PRKN: variants seen among roughly 807,000 people sequenced by gnomAD.
PRKN encodes the protein E3 ubiquitin-protein ligase parkin.
PRKN carries 56 observed loss-of-function variants against 59.5 expected under a neutral mutation model. That is an observed-to-expected ratio of 0.94 (90% CI 0.76 to 1.18). PRKN has a LOEUF of 1.18. Ranked by LOEUF, PRKN falls within the 50% of genes most tolerant of loss-of-function variation. The probability of loss-of-function intolerance (pLI) is 0.00; values close to 1 mark genes in which losing one functional copy is unlikely to be tolerated. For synonymous variants in PRKN, 250 were observed against 222.1 expected (o/e 1.13, Z -1.12); for missense variants, 657 against 596.4 (o/e 1.10, Z -1.06).
At chr6:162,040,251 C>T (rs1439206552) in intron 5 of PRKN, among the ~76,000 whole-genome samples, 3 of 152,100 alleles carry the variant, frequency 2.0e-5, no homozygotes, top group African/African-American at 7.2e-5. Flanking sequence ...TGTTTGGGGG[C>T]TGCTAGTGTA....
chr6:161,476,515 T>A (rs1791090165), intron 9 of PRKN, among the ~76,000 whole-genome samples: 1 of 152,180 alleles, frequency 6.6e-6, no homozygotes, highest in African/African-American at 2.4e-5. Context: ...AATCTAAATA[T>A]TTATGCGTCT....
At chr6:161,524,346 TA>T (rs1219650565) in intron 9 of PRKN, among the ~76,000 whole-genome samples, 1 of 152,168 alleles carries the variant, frequency 6.6e-6, no homozygotes, top group Non-Finnish European at 1.5e-5. Flanking sequence ...AATTATATTT[TA>T]TTTTTTTATT....
At chr6:162,135,556 A>C (rs980713039) in intron 4 of PRKN, among the ~76,000 whole-genome samples, 3 of 152,156 alleles carry the variant, frequency 2.0e-5, no homozygotes, top group Non-Finnish European at 2.9e-5. Flanking sequence ...CTGAGGCTCA[A>C]AATTTTAAAT....
chr6:161,530,271 T>C lies in PRKN; in HGVS notation c.1083+18583A>G, dbSNP rs927885937. Reference sequence around the variant, plus strand: ...TGTAAATTTAGACATTTTTTGAAGATTCACGTGTTTGGTTCAATATAAAAG... The same window carrying C: ...TGTAAATTTAGACATTTTTTGAAGACTCACGTGTTTGGTTCAATATAAAAG... On this transcript the variant is annotated intron_variant, in intron 9 of 11. Transcript: ENST00000366898. This position sits in a 1 kb window ranked among gnomAD's most constrained non-coding sequence, Gnocchi z 5.0. Among the ~76,000 whole-genome samples the C allele has an allele frequency of 6.6e-6, 1 of 152,210 alleles. No individual in the cohort carries two copies. The highest frequency in any genetic ancestry group is 6.5e-5 in the Admixed American group (1 of 15,288).
At position 161,446,340 on chromosome 6, in the gene PRKN, A is replaced by G. The variant is rs76461921; in HGVS notation, c.1084-59463T>C. ...CTTGTAGGCCTTTGGGGAGGTTTCG[A>G]GGTCCAAGTGTGACTTAGAGGAACT... On this transcript the variant is annotated intron_variant, in intron 9 of 11. Coordinates refer to ENST00000366898, the MANE Select transcript of PRKN (RefSeq NM_004562.3). The surrounding 1 kb of genome is among the most constrained non-coding windows in gnomAD (Gnocchi z 6.2). Among the ~76,000 whole-genome samples the G allele has an allele frequency of 0.011, 1,649 of 152,162 alleles. 32 individuals carry two copies. Among genetic ancestry groups the G allele is most frequent in the African/African-American group, 0.036 (1,494 of 41,508 alleles).
At chr6:161,980,648 A>T (rs534856904) in intron 5 of PRKN, among the ~76,000 whole-genome samples, 2 of 152,324 alleles carry the variant, frequency 1.3e-5, no homozygotes, top group African/African-American at 2.4e-5. Flanking sequence ...GGAGTCTGAC[A>T]ATGAATGGGA....
intron 10 of PRKN, among the ~76,000 whole-genome samples, chr6:161,367,819 G>T (rs1328608706): frequency 6.6e-6 from 1 of 152,152 alleles, no homozygotes; most frequent in Non-Finnish European, 1.5e-5. Flanking sequence ...GGCACTGTGC[G>T]GCAGGGGCTC....
At chr6:162,412,589 TTTAAA>T (rs1160657900) in intron 2 of PRKN, among the ~76,000 whole-genome samples, 1 of 152,116 alleles carries the variant, frequency 6.6e-6, no homozygotes, top group Non-Finnish European at 1.5e-5. Context: ...TTTTGAATGT[TTTAAA>T]TTAAAAGAAT....
intron 2 of PRKN, among the ~76,000 whole-genome samples, chr6:162,322,454 A>G (rs1783072250): frequency 6.6e-6 from 1 of 152,160 alleles, no homozygotes; most frequent in African/African-American, 2.4e-5. Context: ...GATTCATGTG[A>G]CAATGCAGAG....
chr6:161,377,500 T>C lies in PRKN; in HGVS notation c.1167+9294A>G, dbSNP rs1299552416. Among the ~76,000 whole-genome samples, 1 of 152,212 alleles carries C rather than the reference T, an allele frequency of 6.6e-6. No individual in the cohort carries two copies. The stretch of plus-strand genomic sequence containing the variant: ...TTAACATACGGCTGCAAGCCAAAAA[T>C]GCACTGTCGCTATCCTGTAATCCTC... On this transcript the variant is annotated intron_variant, in intron 10 of 11. Coordinates refer to ENST00000366898, the MANE Select transcript of PRKN (RefSeq NM_004562.3). This position sits in a 1 kb window ranked among gnomAD's most constrained non-coding sequence, Gnocchi z 4.2.
At chr6:161,406,569 C>A (rs534357504) in intron 9 of PRKN, among the ~76,000 whole-genome samples, 2 of 152,198 alleles carry the variant, frequency 1.3e-5, no homozygotes, top group South Asian at 2.1e-4. Flanking sequence ...GAGTGCAATG[C>A]TCTATATAGC....
chr6:161,427,046 T>C (rs1788399404), intron 9 of PRKN, among the ~76,000 whole-genome samples: 1 of 151,842 alleles, frequency 6.6e-6, no homozygotes. Flanking sequence ...GAGACAGGGT[T>C]TTACTCTGGT....
intron 5 of PRKN, among the ~76,000 whole-genome samples, chr6:162,036,194 G>C (rs1400310147): frequency 6.6e-6 from 1 of 151,396 alleles, no homozygotes; most frequent in South Asian, 2.1e-4. Context: ...CGTGGTGGCG[G>C]GCGCCTGTAG....
At chr6:162,176,785 C>T (rs959659648) in intron 4 of PRKN, among the ~76,000 whole-genome samples, 1 of 152,030 alleles carries the variant, frequency 6.6e-6, no homozygotes, top group Non-Finnish European at 1.5e-5. Context: ...TTACTATCTG[C>T]CATAAATACG....
intron 3 of PRKN, among the ~76,000 whole-genome samples, chr6:162,224,932 C>T (rs1778100134): frequency 6.6e-6 from 1 of 152,124 alleles, no homozygotes; most frequent in Non-Finnish European, 1.5e-5. Flanking sequence ...TTAGTGGTAC[C>T]CGAAACTCCT....
chr6:161,753,513 A>G (rs1439577097), intron 7 of PRKN, among the ~76,000 whole-genome samples: 1 of 152,252 alleles, frequency 6.6e-6, no homozygotes, highest in East Asian at 1.9e-4. Flanking sequence ...AGGATAAAAA[A>G]TTCTGCGGAG....
intron 7 of PRKN, among the ~76,000 whole-genome samples, chr6:161,687,468 A>T (rs1013026354): frequency 6.7e-5 from 10 of 149,036 alleles, no homozygotes; most frequent in Non-Finnish European, 1.2e-4. Context: ...TTAAAAAAAA[A>T]TGTATGTTTT....
At chr6:161,890,697 T>C (rs1257883797) in intron 6 of PRKN, among the ~76,000 whole-genome samples, 2 of 152,220 alleles carry the variant, frequency 1.3e-5, no homozygotes, top group African/African-American at 4.8e-5. Context: ...TCTGTCTTTC[T>C]CTATTCAAGG....
rs1788216727 is a variant in PRKN, at chr6:161,423,947, T to A, written c.1084-37070A>T. ...TAAAGTCTACAGACAAGAAAAGCAC[T>A]GGCCAATGAAGGTCAATGTCAAAGC... is the stretch of plus-strand genomic sequence containing the variant. On this transcript the variant is annotated intron_variant, in intron 9 of 11. Coordinates refer to ENST00000366898, the MANE Select transcript of PRKN (RefSeq NM_004562.3). The surrounding 1 kb of genome is among the most constrained non-coding windows in gnomAD (Gnocchi z 5.9). Among the ~76,000 whole-genome samples, 1 of 152,188 alleles carries A rather than the reference T, an allele frequency of 6.6e-6. No individual in the cohort carries two copies. Among genetic ancestry groups the A allele is most frequent in the Admixed American group, 6.5e-5 (1 of 15,272 alleles).
Sources: allele counts gnomAD v4.1 joint callset (sites outside exome capture counted in the v4.1 genomes callset), GRCh38; gene constraint gnomAD v4.1.1; non-coding constraint Gnocchi (gnomAD v3.1); transcripts MANE v1.5; gene names NCBI Gene and HGNC (gene_info 2026-07-23, HGNC 2026-07-21).